SMURF1: variants seen among roughly 807,000 people sequenced by gnomAD.
The protein encoded by SMURF1 is E3 ubiquitin-protein ligase SMURF1.
In SMURF1, 44 loss-of-function variants were observed where a neutral mutation model predicts 98.0. The ratio of observed to expected loss-of-function variants is 0.45; its 90% CI spans 0.35 to 0.58. The LOEUF (loss-of-function observed/expected upper bound fraction) is 0.58. SMURF1 is among the 20% of genes least tolerant of loss of function. SMURF1 has a pLI of 0.00. For missense variants in SMURF1, 687 were observed against 938.4 expected (o/e 0.73, Z 3.50); for synonymous variants, 396 against 374.9 (o/e 1.06, Z -0.65).
intron 16 of SMURF1, among the ~76,000 whole-genome samples, chr7:99,034,965 C>T (rs916656337): frequency 7.2e-5 from 11 of 152,208 alleles, no homozygotes; most frequent in Admixed American, 1.3e-4. Context: ...AGCAACGTAC[C>T]CTCCAAACCC....
rs1185530406 is a variant in SMURF1, at chr7:99,037,060, C to A, written c.1809+7G>T. 6.2e-7 allele frequency: 1 copy of A among 1,613,484 alleles called. No homozygotes were observed. Among genetic ancestry groups the A allele is most frequent in the South Asian group, 1.1e-5 (1 of 91,052 alleles). On this transcript the variant is annotated splice_region_variant and intron_variant, in intron 15 of 17. Coordinates refer to ENST00000361368, the MANE Select transcript of SMURF1 (RefSeq NM_181349.3). Reference sequence around the variant, plus strand: ...CCCTGGGTCGACTCCGCACAGCAGGCACATACCTCCAGTTCCTTCTGGTCA... The same window carrying A: ...CCCTGGGTCGACTCCGCACAGCAGGAACATACCTCCAGTTCCTTCTGGTCA...
intron 1 of SMURF1, among the ~76,000 whole-genome samples, chr7:99,070,381 CACAG>C (rs770439559): frequency 1.3e-5 from 2 of 152,230 alleles, no homozygotes; most frequent in Non-Finnish European, 2.9e-5. Context: ...GACATGGACA[CACAG>C]ACAGATGGAT....
At chr7:99,048,106 G>T in intron 9 of SMURF1, 1 of 510,332 alleles carries the variant, frequency 2.0e-6, no homozygotes, top group Non-Finnish European at 3.6e-6. Context: ...AGGTACCCCA[G>T]GCCGGGCGTG....
chr7:99,080,363 G>A (rs1413531906), intron 1 of SMURF1, among the ~76,000 whole-genome samples: 6 of 152,180 alleles, frequency 3.9e-5, no homozygotes, highest in East Asian at 1.9e-4. Flanking sequence ...GCAGCGGCGC[G>A]ATCCCGGCTC....
intron 14 of SMURF1, 35 bp from the exon 15 acceptor site, chr7:99,037,222 A>C: frequency 6.2e-7 from 1 of 1,613,006 alleles, no homozygotes; most frequent in Non-Finnish European, 8.5e-7. Flanking sequence ...ATGCAACACC[A>C]AGTGGATTTT....
chr7:99,113,753 G>C (rs1295702548), intron 1 of SMURF1, among the ~76,000 whole-genome samples: 1 of 144,640 alleles, frequency 6.9e-6, no homozygotes, highest in Non-Finnish European at 1.5e-5. Context: ...GCAGGAGAAT[G>C]GCGTGAACCC....
intron 1 of SMURF1, among the ~76,000 whole-genome samples, chr7:99,070,606 C>G (rs1796294555): frequency 6.6e-6 from 1 of 152,000 alleles, no homozygotes; most frequent in Non-Finnish European, 1.5e-5. Flanking sequence ...CTGGCACATG[C>G]AGTTGACTTT....
rs1797729481 is a variant in SMURF1 at position 99,125,704 on chromosome 7, C to A, written c.55+18022G>T. Reference sequence around the variant, plus strand: ...GGCAAAGCCAGGACTGGAACCCAGGCCACTTGCCTCCAGCACCTGGCCCTT... The same window carrying A: ...GGCAAAGCCAGGACTGGAACCCAGGACACTTGCCTCCAGCACCTGGCCCTT... On this transcript the variant is annotated intron_variant, in intron 1 of 17. Coordinates refer to ENST00000361368, the MANE Select transcript of SMURF1 (RefSeq NM_181349.3). Among the ~76,000 whole-genome samples the A allele has an allele frequency of 1.3e-5, 2 of 152,222 alleles. 1 individual carries two copies. The highest frequency in any genetic ancestry group is 4.1e-4 in the South Asian group (2 of 4,836).
At chr7:99,095,148 C>T (rs1796924184) in intron 1 of SMURF1, among the ~76,000 whole-genome samples, 1 of 152,104 alleles carries the variant, frequency 6.6e-6, no homozygotes, top group Admixed American at 6.5e-5. Context: ...GGCGCGATCT[C>T]GGCTCACTGC....
chr7:99,074,829 A>G (rs1478909531), intron 1 of SMURF1, among the ~76,000 whole-genome samples: 1 of 152,204 alleles, frequency 6.6e-6, no homozygotes, highest in Admixed American at 6.5e-5. Flanking sequence ...GGTGTTCAAG[A>G]TCAGCCTGGG....
chr7:99,092,555 T>G lies in SMURF1; in HGVS notation c.56-30718A>C, dbSNP rs28412063. ...GCGCCTTCTCGTTTCAGCCTCGTAC[T>G]GTCAACAAATGGTCTTTTCATGGTC... On this transcript the variant is annotated intron_variant, in intron 1 of 17. Transcript: ENST00000361368. 1.1e-3 allele frequency among the ~76,000 whole-genome samples: 163 copies of G among 152,316 alleles called. 1 individual carries two copies. The highest frequency in any genetic ancestry group is 3.8e-3 in the African/African-American group (156 of 41,572).
intron 12 of SMURF1, 96 bp downstream of exon 12, chr7:99,042,022 C>T (rs1795405590): frequency 2.0e-6 from 2 of 1,002,644 alleles, no homozygotes; most frequent in East Asian, 4.9e-5. Context: ...TTGATTAAGT[C>T]TACAACAAAT....
At chr7:99,137,938 T>C (rs1164027181) in intron 1 of SMURF1, among the ~76,000 whole-genome samples, 1 of 152,224 alleles carries the variant, frequency 6.6e-6, no homozygotes, top group African/African-American at 2.4e-5. Flanking sequence ...AGCTATGTGC[T>C]TTTGTTTTTT....
intron 1 of SMURF1, among the ~76,000 whole-genome samples, chr7:99,109,821 C>G (rs1422888294): frequency 6.6e-6 from 1 of 152,166 alleles, no homozygotes; most frequent in Non-Finnish European, 1.5e-5. Context: ...TAAATGTTTT[C>G]TCCACATGAT....
chr7:99,052,344 A>G lies in SMURF1; in HGVS notation c.582T>C (p.Asn194=), dbSNP rs767252553. The change falls in exon 7 of 18, where the codon AAT becomes AAC. Residue 194 remains asparagine, a synonymous_variant. Transcript: ENST00000361368. The part of the protein sequence containing the change: ...DSTGAAAGGG[N]CRFVESPSQD... ...GACTTGGGGACTCCACGAACCTGCA[A>G]TTCCCTCCTCCAGCAGCAGCACCGG... is the stretch of plus-strand genomic sequence containing the variant. 1.2e-6 allele frequency: 2 copies of G among 1,612,616 alleles called. No individual in the cohort carries two copies. The highest frequency in any genetic ancestry group is 1.7e-6 in the Non-Finnish European group (2 of 1,179,390).
chr7:99,046,409 G>A (rs219823), intron 10 of SMURF1, among the ~76,000 whole-genome samples: 91,598 of 151,952 alleles, frequency 0.6, 30,063 homozygotes, highest in African/African-American at 0.89. Context: ...GAAATTTTTC[G>A]TGCTTTAAAT....
chr7:99,132,461 T>C (rs142778425), intron 1 of SMURF1, among the ~76,000 whole-genome samples: 68 of 152,158 alleles, frequency 4.5e-4, no homozygotes, highest in African/African-American at 1.5e-3. Flanking sequence ...TAAAAATTGA[T>C]TGGACATTGG....
chr7:99,041,193 G>A (rs549973373), intron 12 of SMURF1, among the ~76,000 whole-genome samples: 1 of 152,356 alleles, frequency 6.6e-6, no homozygotes, highest in African/African-American at 2.4e-5. Flanking sequence ...CCTGAGGTCA[G>A]GAGTTCGAGA....
chr7:99,104,736 T>A (rs1411906102), intron 1 of SMURF1, among the ~76,000 whole-genome samples: 2 of 152,224 alleles, frequency 1.3e-5, no homozygotes, highest in Non-Finnish European at 2.9e-5. Flanking sequence ...TTAAACTGCT[T>A]CCAATTTTCT....
Sources: allele counts gnomAD v4.1 joint callset (sites outside exome capture counted in the v4.1 genomes callset), GRCh38; gene constraint gnomAD v4.1.1; transcripts MANE v1.5; gene names NCBI Gene and HGNC (gene_info 2026-07-23, HGNC 2026-07-21).